DLG2: variants seen among roughly 807,000 people sequenced by gnomAD.
DLG2 encodes the protein discs large MAGUK scaffold protein 2.
In DLG2, 45 loss-of-function variants were observed where a neutral mutation model predicts 132.5. That is an observed-to-expected ratio of 0.34 (90% CI 0.27 to 0.44). The LOEUF is 0.44. Among genes scored for constraint, DLG2 ranks in the 20% least tolerant of loss-of-function variants. The probability of loss-of-function intolerance (pLI) is 1.00; values close to 1 mark genes in which losing one functional copy is unlikely to be tolerated. For missense variants in DLG2, 1,045 were observed against 1,196.9 expected (o/e 0.87, Z 1.87); for synonymous variants, 424 against 419.6 (o/e 1.01, Z -0.13).
At chr11:84,994,994 A>C (rs768156156) in intron 6 of DLG2, among the ~76,000 whole-genome samples, 2 of 152,136 alleles carry the variant, frequency 1.3e-5, no homozygotes, top group Non-Finnish European at 2.9e-5. Context: ...TTCTGAATGC[A>C]AGAAATCTCC....
intron 18 of DLG2, among the ~76,000 whole-genome samples, chr11:83,737,464 C>T (rs1341742904): frequency 1.3e-5 from 2 of 152,138 alleles, no homozygotes. Context: ...TTCATGCTCT[C>T]TTGGAGCTAT....
intron 8 of DLG2, among the ~76,000 whole-genome samples, chr11:84,174,558 G>A (rs147754120): frequency 1.8e-3 from 269 of 152,152 alleles, no homozygotes; most frequent in Admixed American, 4.7e-3. Context: ...TGCAATTTAT[G>A]TTTATTAAAA....
At chr11:85,507,266 G>T (rs994926704) in intron 3 of DLG2, among the ~76,000 whole-genome samples, 6 of 152,086 alleles carry the variant, frequency 3.9e-5, no homozygotes, top group African/African-American at 1.4e-4. Context: ...ATGTTAGCTG[G>T]TTATTTTGCT....
intron 15 of DLG2, among the ~76,000 whole-genome samples, chr11:83,897,987 T>C (rs1260187116): frequency 6.6e-6 from 1 of 152,132 alleles, no homozygotes; most frequent in Non-Finnish European, 1.5e-5. Context: ...CAAAAACTAG[T>C]AAGAGATAGG....
chr11:84,335,601 C>T (rs1446539305), intron 7 of DLG2, among the ~76,000 whole-genome samples: 1 of 152,168 alleles, frequency 6.6e-6, no homozygotes, highest in Non-Finnish European at 1.5e-5. Context: ...ACTACCTACA[C>T]TGCTAGCAAT....
At chr11:85,430,110 A>G (rs987592351) in intron 3 of DLG2, among the ~76,000 whole-genome samples, 4 of 150,918 alleles carry the variant, frequency 2.7e-5, no homozygotes, top group South Asian at 4.2e-4. Flanking sequence ...TCGCAAGGAC[A>G]AAAAAACCAA....
At chr11:83,577,305 A>AAC (rs2096887784) in intron 19 of DLG2, among the ~76,000 whole-genome samples, 2 of 150,484 alleles carry the variant, frequency 1.3e-5, no homozygotes, top group Admixed American at 1.3e-4. Flanking sequence ...TAAACAATAG[A>AAC]ATATATATAT....
At chr11:83,856,204 T>G (rs2060512562) in intron 16 of DLG2, among the ~76,000 whole-genome samples, 1 of 152,220 alleles carries the variant, frequency 6.6e-6, no homozygotes, top group Non-Finnish European at 1.5e-5. Flanking sequence ...ATGGTGTGTA[T>G]GTACCACATT....
intron 17 of DLG2, among the ~76,000 whole-genome samples, chr11:83,817,763 C>CTA (rs1402088373): frequency 3.3e-5 from 5 of 151,908 alleles, no homozygotes; most frequent in Non-Finnish European, 7.4e-5. Context: ...ATAGTCCTAG[C>CTA]TATTTGAGAA....
intron 14 of DLG2, among the ~76,000 whole-genome samples, chr11:83,937,823 T>C (rs1227263984): frequency 6.6e-6 from 1 of 152,212 alleles, no homozygotes; most frequent in Admixed American, 6.5e-5. Flanking sequence ...CACAATTTAG[T>C]TGTGGTATGT....
intron 7 of DLG2, among the ~76,000 whole-genome samples, chr11:84,323,820 G>A (rs1180556354): frequency 6.8e-6 from 1 of 147,392 alleles, no homozygotes; most frequent in East Asian, 2.0e-4. Context: ...TAGTGAGGTT[G>A]AGCATTTTTT....
chr11:84,123,795 C>T (rs755556872), intron 9 of DLG2, among the ~76,000 whole-genome samples: 18 of 152,126 alleles, frequency 1.2e-4, no homozygotes, highest in Non-Finnish European at 2.2e-4. Context: ...TTCCTGGCAA[C>T]CACTGTAAAT....
At chr11:84,721,688 G>T (rs1241665194) in intron 6 of DLG2, among the ~76,000 whole-genome samples, 3 of 152,162 alleles carry the variant, frequency 2.0e-5, no homozygotes, top group African/African-American at 7.2e-5. Context: ...TGGGTGCCTG[G>T]CACTATGCCT....
At chr11:85,317,144 G>A (rs974079530) in intron 3 of DLG2, among the ~76,000 whole-genome samples, 3 of 151,854 alleles carry the variant, frequency 2.0e-5, no homozygotes, top group African/African-American at 7.2e-5. Context: ...AAGCTCTGAC[G>A]CAGGAAGCAA....
chr11:85,151,329 G>A (rs2077234029), intron 5 of DLG2, among the ~76,000 whole-genome samples: 2 of 149,844 alleles, frequency 1.3e-5, no homozygotes, highest in Non-Finnish European at 3.0e-5. Flanking sequence ...TTTCACTCTG[G>A]TCATTGTTTT....
At chr11:83,959,949 T>G (rs2088074148) in intron 14 of DLG2, among the ~76,000 whole-genome samples, 1 of 152,126 alleles carries the variant, frequency 6.6e-6, no homozygotes, top group Non-Finnish European at 1.5e-5. Flanking sequence ...TTTTTATTAC[T>G]CTATGTATTG....
chr11:84,836,967 G>A (rs973449790), intron 6 of DLG2, among the ~76,000 whole-genome samples: 2 of 151,562 alleles, frequency 1.3e-5, no homozygotes, highest in Non-Finnish European at 1.5e-5. Flanking sequence ...CCATTAACTC[G>A]TCATTTAACA....
intron 6 of DLG2, among the ~76,000 whole-genome samples, chr11:84,947,641 C>T (rs561505878): frequency 2.6e-4 from 40 of 152,242 alleles, no homozygotes; most frequent in African/African-American, 7.9e-4. Context: ...GACTCCTTTG[C>T]TATATAGAAA....
intron 9 of DLG2, among the ~76,000 whole-genome samples, chr11:84,099,352 A>T (rs904090203): frequency 6.6e-6 from 1 of 152,170 alleles, no homozygotes; most frequent in Non-Finnish European, 1.5e-5. Flanking sequence ...AATATGAAAA[A>T]ATATAAAGAA....
Sources: gnomAD v4.1 joint callset for allele counts (sites outside exome capture counted in the v4.1 genomes callset) on GRCh38, gnomAD v4.1.1 for gene constraint, MANE v1.5 for transcripts, NCBI Gene and HGNC (gene_info 2026-07-23, HGNC 2026-07-21) for gene names.